Variants in STK32B observed in about 807,000 individuals in gnomAD.
STK32B encodes serine/threonine kinase 32B.
Under a neutral mutation model 52.6 loss-of-function variants are expected in STK32B, and 43 were observed. The ratio of observed to expected loss-of-function variants is 0.82; its 90% CI spans 0.64 to 1.05. STK32B has a LOEUF of 1.05. Ranked by LOEUF, STK32B falls within the 50% of genes least tolerant of loss-of-function variation. The pLI is 0.00. For missense variants in STK32B, 621 were observed against 534.6 expected (o/e 1.16, Z -1.59); for synonymous variants, 238 against 204.3 (o/e 1.17, Z -1.41).
chr4:5,391,522 G>C (rs930566857), intron 4 of STK32B, among the ~76,000 whole-genome samples: 16 of 152,316 alleles, frequency 1.1e-4, no homozygotes, highest in African/African-American at 2.6e-4. Flanking sequence ...GATTGCAACT[G>C]AGCTGTATCC....
intron 3 of STK32B, among the ~76,000 whole-genome samples, chr4:5,300,099 G>A (rs1729460073): frequency 6.6e-6 from 1 of 152,174 alleles, no homozygotes; most frequent in South Asian, 2.1e-4. Flanking sequence ...CCATGATCAA[G>A]TAGGCTTTAT....
chr4:5,066,697 G>A (rs1227274924), intron 1 of STK32B, among the ~76,000 whole-genome samples: 1 of 152,084 alleles, frequency 6.6e-6, no homozygotes, highest in Non-Finnish European at 1.5e-5. Context: ...TCTTCCTCTT[G>A]TAATCAATGT....
chr4:5,051,798 G>GCGTCCCA lies in STK32B; in HGVS notation c.-64_-58dup. ...CCCCCGGCATCCCGCATCTCTGCGC[G>GCGTCCCA]CGTCCCACATCCCGCATCCGGCATC... On this transcript the variant is annotated 5_prime_UTR_variant, in exon 1 of 12. Coordinates refer to ENST00000282908, the MANE Select transcript of STK32B (RefSeq NM_018401.3). 6.4e-7 allele frequency: 1 copy of GCGTCCCA among 1,550,674 alleles called. No individual in the cohort carries two copies. Among genetic ancestry groups the GCGTCCCA allele is most frequent in the Non-Finnish European group, 8.7e-7 (1 of 1,147,288 alleles).
chr4:5,358,165 G>A (rs1370368953), intron 4 of STK32B, among the ~76,000 whole-genome samples: 1 of 152,150 alleles, frequency 6.6e-6, no homozygotes. Context: ...CCATCTCCTA[G>A]GTATAAATTG....
chr4:5,122,638 C>T (rs955874642), intron 1 of STK32B, among the ~76,000 whole-genome samples: 1 of 152,176 alleles, frequency 6.6e-6, no homozygotes, highest in African/African-American at 2.4e-5. Flanking sequence ...TTCACTCACT[C>T]ACTCATTTAC....
At chr4:5,332,076 G>C (rs906045103) in intron 4 of STK32B, among the ~76,000 whole-genome samples, 1 of 152,214 alleles carries the variant, frequency 6.6e-6, no homozygotes, top group Non-Finnish European at 1.5e-5. Context: ...GTGCTTAGCT[G>C]ATATCCTTGT....
chr4:5,093,049 G>A (rs1379341559), intron 1 of STK32B, among the ~76,000 whole-genome samples: 1 of 151,924 alleles, frequency 6.6e-6, no homozygotes, highest in Non-Finnish European at 1.5e-5. Context: ...CTTATATGTA[G>A]GTATTTTTCA....
At chr4:5,416,169 GT>G (rs1310205208) in intron 5 of STK32B, among the ~76,000 whole-genome samples, 1 of 152,162 alleles carries the variant, frequency 6.6e-6, no homozygotes, top group Non-Finnish European at 1.5e-5. Context: ...CCATTTGGGT[GT>G]TTCCTTCCTC....
intron 11 of STK32B, among the ~76,000 whole-genome samples, chr4:5,489,630 T>G (rs1167763157): frequency 6.6e-6 from 1 of 152,018 alleles, no homozygotes; most frequent in Non-Finnish European, 1.5e-5. Context: ...TATTTTTTAT[T>G]ATTTTTTTTG....
At chr4:5,244,010 T>G (rs536311698) in intron 3 of STK32B, among the ~76,000 whole-genome samples, 9,084 of 151,874 alleles carry the variant, frequency 0.06, 409 homozygotes, top group African/African-American at 0.13. Flanking sequence ...TTTGCATCAA[T>G]GTTCATCAAG....
chr4:5,085,289 G>A (rs1712670617), intron 1 of STK32B, among the ~76,000 whole-genome samples: 1 of 152,144 alleles, frequency 6.6e-6, no homozygotes, highest in East Asian at 1.9e-4. Context: ...AAAATGTCTG[G>A]CACAGTGCCT....
intron 4 of STK32B, among the ~76,000 whole-genome samples, chr4:5,339,594 T>A (rs1369843270): frequency 6.6e-6 from 1 of 152,202 alleles, no homozygotes; most frequent in Non-Finnish European, 1.5e-5. Context: ...AATGCCGTAT[T>A]TATACCCTCA....
intron 3 of STK32B, among the ~76,000 whole-genome samples, chr4:5,309,616 A>G (rs919518684): frequency 2.6e-5 from 4 of 152,186 alleles, no homozygotes; most frequent in Non-Finnish European, 4.4e-5. Flanking sequence ...AAAGGTACCA[A>G]TAACATTTAC....
chr4:5,109,138 C>T (rs2108800717), intron 1 of STK32B, among the ~76,000 whole-genome samples: 1 of 152,304 alleles, frequency 6.6e-6, no homozygotes, highest in Non-Finnish European at 1.5e-5. Flanking sequence ...AAACTATGTG[C>T]TTTATTATCC....
At chr4:5,039,462 G>C in the STK32B span, among the ~76,000 whole-genome samples, 1 of 152,272 alleles carries the variant, frequency 6.6e-6, no homozygotes, top group Non-Finnish European at 1.5e-5. Context: ...GACAGTCTTA[G>C]GGGCAGTGAC....
intron 11 of STK32B, among the ~76,000 whole-genome samples, chr4:5,487,007 G>A (rs1427287627): frequency 2.6e-5 from 4 of 152,200 alleles, no homozygotes; most frequent in Non-Finnish European, 5.9e-5. Context: ...TATTTCAGTT[G>A]GGTATGACAA....
chr4:5,247,632 G>C (rs933912845), intron 3 of STK32B, among the ~76,000 whole-genome samples: 1 of 152,144 alleles, frequency 6.6e-6, no homozygotes, highest in African/African-American at 2.4e-5. Context: ...ACCTCAGTTG[G>C]AAATGCAGAA....
chr4:5,231,079 C>A (rs1028125045), intron 3 of STK32B, among the ~76,000 whole-genome samples: 1 of 151,982 alleles, frequency 6.6e-6, no homozygotes, highest in Non-Finnish European at 1.5e-5. Context: ...GCTCACATCA[C>A]CTGCCAGAGT....
rs1350013323 is a variant in STK32B, at chr4:5,363,278, A to G, written c.434+31885A>G. On this transcript the variant is annotated intron_variant, in intron 4 of 11. Transcript: ENST00000282908. ...AACTTTAAAGGGTCTTGCATCATTTAATTTAATTTATGCACCTATTATTTC... is the reference window on the plus strand; with the variant it reads ...AACTTTAAAGGGTCTTGCATCATTTGATTTAATTTATGCACCTATTATTTC... Among the ~76,000 whole-genome samples the G allele has an allele frequency of 2.0e-5, 3 of 152,320 alleles. No homozygotes were observed. The East Asian group carries it at 5.8e-4, about 29-fold the overall frequency.
Sources: gnomAD v4.1 joint callset for allele counts (sites outside exome capture counted in the v4.1 genomes callset) on GRCh38, gnomAD v4.1.1 for gene constraint, MANE v1.5 for transcripts, NCBI Gene and HGNC (gene_info 2026-07-23, HGNC 2026-07-21) for gene names.